Variants in GRIA1 observed in about 807,000 individuals in gnomAD.
GRIA1 encodes glutamate receptor 1.
GRIA1 carries 31 observed loss-of-function variants against 99.2 expected under a neutral mutation model. The observed-to-expected ratio is 0.31, with a 90% CI of 0.23 to 0.42. The LOEUF is 0.42. GRIA1 is among the 10% of genes least tolerant of loss of function. The probability of loss-of-function intolerance (pLI) is 1.00; values close to 1 mark genes in which losing one functional copy is unlikely to be tolerated. For missense variants in GRIA1, 782 were observed against 1,157.5 expected, an observed-to-expected ratio of 0.68 and a Z score of 4.71; for synonymous variants, 438 against 432.4, an observed-to-expected ratio of 1.01 and a Z score of -0.16.
At chr5:153,560,552 T>C (rs1440617687) in intron 2 of GRIA1, among the ~76,000 whole-genome samples, 8 of 152,226 alleles carry the variant, frequency 5.3e-5, no homozygotes, top group South Asian at 4.1e-4. Flanking sequence ...TGAGATCTGA[T>C]GGTTTTATAA....
intron 2 of GRIA1, among the ~76,000 whole-genome samples, chr5:153,581,055 C>T (rs17591636): frequency 2.5e-4 from 38 of 152,270 alleles, no homozygotes; most frequent in African/African-American, 7.2e-4. Context: ...CAGCGGCTTA[C>T]GTAGCAGCTC....
At chr5:153,668,305 G>C (rs1255541509) in intron 5 of GRIA1, among the ~76,000 whole-genome samples, 1 of 152,160 alleles carries the variant, frequency 6.6e-6, no homozygotes, top group Admixed American at 6.5e-5. Flanking sequence ...CTTTGCTCCT[G>C]TATAGGTCAA....
At chr5:153,632,641 G>A (rs766412625) in intron 2 of GRIA1, among the ~76,000 whole-genome samples, 3 of 152,024 alleles carry the variant, frequency 2.0e-5, no homozygotes, top group African/African-American at 4.8e-5. Flanking sequence ...TCCTCACGGC[G>A]CATAAGGCAG....
intron 15 of GRIA1, among the ~76,000 whole-genome samples, chr5:153,808,888 A>G (rs1220119268): frequency 6.6e-6 from 1 of 152,244 alleles, no homozygotes; most frequent in Non-Finnish European, 1.5e-5. Context: ...GTGACCTTCG[A>G]GATTTTTAGT....
intron 10 of GRIA1, among the ~76,000 whole-genome samples, chr5:153,699,856 G>A (rs1758392216): frequency 6.6e-6 from 1 of 152,102 alleles, no homozygotes; most frequent in Non-Finnish European, 1.5e-5. Flanking sequence ...GTCCCACATT[G>A]TTTTAAGCAT....
chr5:153,581,669 T>C (rs968893201), intron 2 of GRIA1, among the ~76,000 whole-genome samples: 18 of 152,184 alleles, frequency 1.2e-4, no homozygotes, highest in African/African-American at 4.1e-4. Flanking sequence ...CTCCATTACA[T>C]TGCCTTTGGT....
chr5:153,495,316 A>G (rs59281297), intron 2 of GRIA1, among the ~76,000 whole-genome samples: 38,458 of 152,136 alleles, frequency 0.25, 6,025 homozygotes, highest in Non-Finnish European at 0.36. Flanking sequence ...TAATCCTCAC[A>G]GGAGCTTTGC....
Position 153,794,674 on chromosome 5 carries a change from A to G in GRIA1, c.2324A>G (p.Lys775Arg), listed in dbSNP as rs1317770645. Residue 775 changes from lysine (K) to arginine (R), a missense_variant, in exon 14 of 16, where the codon AAA becomes AGA. By Grantham distance (26) the Lys-to-Arg change is conservative. Around this residue, in one of 5 missense-constraint regions of GRIA1, gnomAD observed 119 missense variants for 326.6 expected, o/e 0.36. Coordinates refer to ENST00000285900, the MANE Select transcript of GRIA1 (RefSeq NM_000827.4). ...CTGAACGAGCAGGGGCTTTTGGACA[A>G]ATTGAAAAACAAATGGTGGTACGAC... is the stretch of plus-strand genomic sequence containing the variant. ...LKLNEQGLLDKLKNKWWYDKG... is the reference protein window; with the variant it reads ...LKLNEQGLLDRLKNKWWYDKG... 6.2e-7 allele frequency: 1 copy of G among 1,613,892 alleles called. No homozygotes were observed. The highest frequency in any genetic ancestry group is 1.3e-5 in the African/African-American group (1 of 74,906).
intron 2 of GRIA1, among the ~76,000 whole-genome samples, chr5:153,632,983 A>T (rs142498478): frequency 2.6e-5 from 4 of 152,222 alleles, no homozygotes; most frequent in African/African-American, 9.6e-5. Context: ...CCAGGTATGG[A>T]GGGTCATTTT....
chr5:153,726,031 A>G (rs1760500885), intron 11 of GRIA1, among the ~76,000 whole-genome samples: 1 of 150,892 alleles, frequency 6.6e-6, no homozygotes, highest in Non-Finnish European at 1.5e-5. Context: ...AGAAATTATA[A>G]CAAACTGTCT....
chr5:153,733,641 T>C (rs981951432), intron 11 of GRIA1, among the ~76,000 whole-genome samples: 4 of 152,130 alleles, frequency 2.6e-5, no homozygotes, highest in African/African-American at 9.6e-5. Flanking sequence ...AGTACACACA[T>C]AGGCTGAAAG....
At chr5:153,555,650 C>T (rs759752955) in intron 2 of GRIA1, among the ~76,000 whole-genome samples, 7 of 152,140 alleles carry the variant, frequency 4.6e-5, no homozygotes, top group African/African-American at 1.4e-4. Context: ...AAGCTTAGGG[C>T]GGGAAGCGAT....
intron 11 of GRIA1, among the ~76,000 whole-genome samples, chr5:153,730,799 A>G (rs1410786526): frequency 6.6e-6 from 1 of 152,144 alleles, no homozygotes; most frequent in African/African-American, 2.4e-5. Context: ...AGTTAGGAGA[A>G]GGAAGGAACT....
At chr5:153,756,557 T>A (rs1762841252) in intron 11 of GRIA1, among the ~76,000 whole-genome samples, 1 of 152,014 alleles carries the variant, frequency 6.6e-6, no homozygotes, top group South Asian at 2.1e-4. Context: ...CAGGGATCTG[T>A]CAAAAAACAC....
At chr5:153,543,021 C>T (rs1163580231) in intron 2 of GRIA1, among the ~76,000 whole-genome samples, 1 of 152,218 alleles carries the variant, frequency 6.6e-6, no homozygotes, top group Admixed American at 6.5e-5. Context: ...ATTAAGCATA[C>T]ATAAAGCAAT....
At chr5:153,681,290 G>A (rs7714424) in intron 7 of GRIA1, among the ~76,000 whole-genome samples, 1 of 151,926 alleles carries the variant, frequency 6.6e-6, no homozygotes, top group African/African-American at 2.4e-5. Flanking sequence ...AAGTTCCGCC[G>A]CCATGATGCA....
At chr5:153,570,172 G>T (rs1331701044) in intron 2 of GRIA1, among the ~76,000 whole-genome samples, 1 of 152,126 alleles carries the variant, frequency 6.6e-6, no homozygotes, top group Admixed American at 6.6e-5. Context: ...AAAACCGAGA[G>T]CAATATTCTC....
At chr5:153,768,200 G>T (rs963839395) in intron 12 of GRIA1, among the ~76,000 whole-genome samples, 6 of 152,066 alleles carry the variant, frequency 3.9e-5, no homozygotes, top group Non-Finnish European at 8.8e-5. Context: ...ATTAGTTCTG[G>T]GTATTTCCTC....
At chr5:153,599,503 A>G (rs1764709100) in intron 2 of GRIA1, among the ~76,000 whole-genome samples, 1 of 152,342 alleles carries the variant, frequency 6.6e-6, no homozygotes, top group East Asian at 1.9e-4. Flanking sequence ...GTGTTTGCAC[A>G]TAACCTAGGC....
Sources: gnomAD v4.1 joint callset for allele counts (sites outside exome capture counted in the v4.1 genomes callset) on GRCh38, gnomAD v4.1.1 for gene constraint, gnomAD v4.1.1 regional missense constraint, MANE v1.5 for transcripts, NCBI Gene and HGNC (gene_info 2026-07-23, HGNC 2026-07-21) for gene names.